The following STRN3 variants were observed in gnomAD, a reference collection of about 807,000 sequenced individuals.
STRN3 encodes striatin-3.
STRN3 carries 29 observed loss-of-function variants against 95.6 expected under a neutral mutation model. The observed-to-expected ratio is 0.30, with a 90% confidence interval of 0.23 to 0.41. The LOEUF is 0.41. Ranked by LOEUF, STRN3 falls within the 10% of genes least tolerant of loss-of-function variation. The pLI, the probability that STRN3 is intolerant of heterozygous loss-of-function variation, is 1.00. For synonymous variants in STRN3, 331 were observed against 357.6 expected, an observed-to-expected ratio of 0.93 and a Z score of 0.84; for missense variants, 890 against 972.1, an observed-to-expected ratio of 0.92 and a Z score of 1.12.
At chr14:31,022,196 G>A (rs188617710) in intron 1 of STRN3, among the ~76,000 whole-genome samples, 45 of 152,098 alleles carry the variant, frequency 3.0e-4, no homozygotes, top group Middle Eastern at 3.4e-3. Context: ...TGGCTAACAC[G>A]GTGAAACCCC....
At chr14:30,942,071 C>T (rs1174246894) in intron 5 of STRN3, among the ~76,000 whole-genome samples, 7 of 152,174 alleles carry the variant, frequency 4.6e-5, no homozygotes. Context: ...TCCTATCACT[C>T]TCAAATGCAC....
At position 30,929,177 on chromosome 14, in the gene STRN3, A is replaced by G. The variant is rs762414290; in HGVS notation, c.1099+24T>C. ...TCTCAATTATTGGTATACAAAAATT[A>G]TAATAGTCAGAATCTGCACTTACTC... On this transcript the variant is annotated intron_variant, in intron 8 of 17. Coordinates refer to ENST00000357479, the MANE Select transcript of STRN3 (RefSeq NM_001083893.2). The G allele has an allele frequency of 7.9e-5, 123 of 1,559,084 alleles. 2 individuals are homozygous for G. In the East Asian group the frequency reaches 1.8e-3, roughly 23 times the overall value.
chr14:30,967,851 A>C (rs1315656771), intron 1 of STRN3, among the ~76,000 whole-genome samples: 1 of 152,244 alleles, frequency 6.6e-6, no homozygotes, highest in Admixed American at 6.5e-5. Flanking sequence ...TGAAATCTTA[A>C]TTACCATACA....
chr14:30,914,476 C>T (rs927534021), intron 9 of STRN3, among the ~76,000 whole-genome samples: 6 of 152,224 alleles, frequency 3.9e-5, no homozygotes, highest in African/African-American at 1.4e-4. Flanking sequence ...TCTCGGTCTC[C>T]CAAGTAGCTG....
intron 1 of STRN3, among the ~76,000 whole-genome samples, chr14:30,992,696 T>C (rs1882020526): frequency 6.6e-6 from 1 of 151,948 alleles, no homozygotes; most frequent in African/African-American, 2.4e-5. Flanking sequence ...TATTTTTATA[T>C]GCGTCTATAT....
chr14:30,898,160 A>G (rs891030645), intron 16 of STRN3, among the ~76,000 whole-genome samples: 2 of 152,054 alleles, frequency 1.3e-5, no homozygotes, highest in African/African-American at 4.8e-5. Flanking sequence ...AATTTTTTGT[A>G]GAGACAGAAT....
intron 1 of STRN3, among the ~76,000 whole-genome samples, chr14:30,999,155 C>G (rs1566483986): frequency 6.6e-6 from 1 of 152,274 alleles, no homozygotes; most frequent in East Asian, 1.9e-4. Context: ...CCAATTCTCC[C>G]ACATCAGCCT....
chr14:30,910,026 C>T (rs1896566758), intron 13 of STRN3, among the ~76,000 whole-genome samples: 1 of 152,182 alleles, frequency 6.6e-6, no homozygotes, highest in Admixed American at 6.5e-5. Flanking sequence ...TTTATGACAG[C>T]AGCCTCCTAA....
intron 1 of STRN3, among the ~76,000 whole-genome samples, chr14:30,979,415 A>C (rs1881276026): frequency 6.6e-6 from 1 of 152,076 alleles, no homozygotes; most frequent in Non-Finnish European, 1.5e-5. Context: ...CAACTCAACA[A>C]ATTTTGTTTT....
At chr14:30,902,698 G>A in intron 15 of STRN3, 55 bp from the exon 16 acceptor site, 2 of 1,125,588 alleles carry the variant, frequency 1.8e-6, no homozygotes, top group Non-Finnish European at 1.3e-6. Context: ...TAAGAAGTTG[G>A]ATAATGGCCT....
chr14:30,894,985 T>A lies in STRN3; in HGVS notation c.*426A>T. On this transcript the variant is annotated 3_prime_UTR_variant, in exon 18 of 18. Transcript: ENST00000357479. Reference sequence around the variant, plus strand: ...AGATCACTAAGAGATGAAAAAAAGCTACTCTTGGAGCTCACTTCCCCCAAC... The same window carrying A: ...AGATCACTAAGAGATGAAAAAAAGCAACTCTTGGAGCTCACTTCCCCCAAC... The A allele has an allele frequency of 1.2e-6, 1 of 857,206 alleles. No homozygotes were observed. Among genetic ancestry groups the A allele is most frequent in the Non-Finnish European group, 1.5e-6 (1 of 689,238 alleles). The allele number at this position is 857,206 out of a possible 1,614,324, so 53.1% of individuals were successfully genotyped here. A position where few individuals can be genotyped will look rare whatever the true frequency, so the allele number is the denominator to read the frequency against.
intron 1 of STRN3, chr14:31,018,527 G>C (rs1207636441): frequency 1.9e-5 from 8 of 428,658 alleles, no homozygotes; most frequent in Non-Finnish European, 3.3e-5. Flanking sequence ...AACAACTATG[G>C]TAAAGGACAT....
intron 5 of STRN3, among the ~76,000 whole-genome samples, chr14:30,937,323 C>CA (rs1232964559): frequency 6.6e-6 from 1 of 151,758 alleles, no homozygotes; most frequent in East Asian, 1.9e-4. Context: ...AAAATGAAAA[C>CA]AAAAAAACTT....
intron 1 of STRN3, among the ~76,000 whole-genome samples, chr14:30,977,794 G>GA (rs869303485): frequency 0.085 from 9,095 of 107,548 alleles, 330 homozygotes; most frequent in East Asian, 0.1. Flanking sequence ...ACTCTATCTC[G>GA]AAAAAAAAAA....
At chr14:31,007,253 C>T (rs1346807441) in intron 1 of STRN3, among the ~76,000 whole-genome samples, 3 of 152,196 alleles carry the variant, frequency 2.0e-5, no homozygotes, top group African/African-American at 7.2e-5. Context: ...AACAAGTCTA[C>T]ATCAGAGCAA....
intron 1 of STRN3, among the ~76,000 whole-genome samples, chr14:30,984,311 A>T (rs12894032): frequency 0.23 from 32,415 of 143,676 alleles, 4,093 homozygotes; most frequent in Non-Finnish European, 0.26. Context: ...AATTAAAACT[A>T]CGCTGTTGCA....
At chr14:30,974,759 T>C (rs985739048) in intron 1 of STRN3, among the ~76,000 whole-genome samples, 6 of 152,032 alleles carry the variant, frequency 3.9e-5, no homozygotes, top group Admixed American at 1.3e-4. Flanking sequence ...TGAGCTGACA[T>C]TGCGCCACTA....
At chr14:30,988,295 A>T (rs1399787780) in intron 1 of STRN3, among the ~76,000 whole-genome samples, 2 of 152,208 alleles carry the variant, frequency 1.3e-5, no homozygotes, top group East Asian at 3.8e-4. Context: ...ATTATCAACC[A>T]AACTCTGACC....
In STRN3 at chr14:30,986,625, T is replaced by G. The variant is rs188040272; in HGVS notation, c.283-30383A>C. On this transcript the variant is annotated intron_variant, in intron 1 of 17. Transcript: ENST00000357479. ...GCCACATCATTTTATCCTACTATAG[T>G]GCTACCCTAGCATCATGCAAATTAC... Among the ~76,000 whole-genome samples, 65 of 152,370 alleles carry G rather than the reference T, an allele frequency of 4.3e-4. No individual in the cohort carries two copies. The East Asian group carries it at 0.012, about 28-fold the overall frequency.
Sources: gnomAD v4.1 joint callset for allele counts (sites outside exome capture counted in the v4.1 genomes callset) on GRCh38, gnomAD v4.1.1 for gene constraint, MANE v1.5 for transcripts, NCBI Gene and HGNC (gene_info 2026-07-23, HGNC 2026-07-21) for gene names.